The following UBE2R2 variants were observed in gnomAD, a reference collection of about 807,000 sequenced individuals.
UBE2R2 encodes ubiquitin conjugating enzyme E2 R2, also known as ubiquitin-conjugating enzyme E2 R2.
UBE2R2 carries 1 observed loss-of-function variant against 27.8 expected under a neutral mutation model. That is an observed-to-expected ratio of 0.04 (90% CI 0.01 to 0.17). UBE2R2 has a LOEUF of 0.17. Ranked by LOEUF, UBE2R2 falls within the 10% of genes least tolerant of loss-of-function variation. The pLI is 1.00. For synonymous variants in UBE2R2, 106 were observed against 113.3 expected, an observed-to-expected ratio of 0.94 and a Z score of 0.41; for missense variants, 100 against 291.0, an observed-to-expected ratio of 0.34 and a Z score of 4.78.
chr9:33,917,123 C>T lies in UBE2R2; in HGVS notation c.603C>T (p.Asn201=), dbSNP rs372565481. The T allele has an allele frequency of 3.7e-6, 6 of 1,614,242 alleles. No homozygotes were observed. The Admixed American group carries it at 8.3e-5, about 22-fold the overall frequency. ...AAACTAAAGTGCCTTCCAATGACAA[C>T]AGCTCAGATTTGCTTTACGACGACT... is the stretch of plus-strand genomic sequence containing the variant. The part of the protein sequence containing the change: ...CIKTKVPSND[N]SSDLLYDDLY... Residue 201 remains asparagine, a synonymous_variant, in exon 5 of 5, where the codon AAC becomes AAT. Coordinates refer to ENST00000263228, the MANE Select transcript of UBE2R2 (RefSeq NM_017811.4).
intron 2 of UBE2R2, 60 bp downstream of exon 2, chr9:33,887,027 A>G: frequency 7.3e-7 from 1 of 1,367,412 alleles, no homozygotes; most frequent in Non-Finnish European, 1.0e-6. Flanking sequence ...CAGTACTTTA[A>G]AATAGCCTAT....
At chr9:33,907,655 T>A (rs564166309) in intron 3 of UBE2R2, among the ~76,000 whole-genome samples, 4 of 152,250 alleles carry the variant, frequency 2.6e-5, no homozygotes, top group African/African-American at 7.2e-5. Flanking sequence ...ACTACAGTTA[T>A]TCTTTATAGG....
At chr9:33,859,510 AAGACTGGGATGGACTC>A (rs1333422514) in intron 1 of UBE2R2, among the ~76,000 whole-genome samples, 1 of 152,154 alleles carries the variant, frequency 6.6e-6, no homozygotes, top group Non-Finnish European at 1.5e-5. Context: ...TTAAAATCTT[AAGACTGGGATGGACTC>A]TGAGATACTA....
chr9:33,839,426 C>A (rs968821115), intron 1 of UBE2R2, among the ~76,000 whole-genome samples: 1 of 152,008 alleles, frequency 6.6e-6, no homozygotes, highest in Non-Finnish European at 1.5e-5. Flanking sequence ...TTAGTAGAGA[C>A]GGAGTTTCGC....
At chr9:33,913,717 A>G (rs894137460) in intron 4 of UBE2R2, among the ~76,000 whole-genome samples, 3 of 152,248 alleles carry the variant, frequency 2.0e-5, no homozygotes, top group Non-Finnish European at 4.4e-5. Flanking sequence ...GAAAAAAGTT[A>G]AAACAATGCT....
intron 1 of UBE2R2, among the ~76,000 whole-genome samples, chr9:33,843,529 A>G (rs1270696251): frequency 2.6e-5 from 4 of 151,408 alleles, no homozygotes; most frequent in African/African-American, 9.7e-5. Flanking sequence ...CCCAGGCTAG[A>G]GGGAAGTGGC....
At chr9:33,906,232 C>A (rs1822353933) in intron 3 of UBE2R2, among the ~76,000 whole-genome samples, 1 of 152,146 alleles carries the variant, frequency 6.6e-6, no homozygotes, top group South Asian at 2.1e-4. Context: ...AAGCAATTCT[C>A]CTGCCTCAGC....
At chr9:33,884,579 A>G (rs1821816297) in intron 1 of UBE2R2, among the ~76,000 whole-genome samples, 1 of 151,964 alleles carries the variant, frequency 6.6e-6, no homozygotes, top group Non-Finnish European at 1.5e-5. Context: ...CTTTTTGTGG[A>G]TTTTTAAAAA....
chr9:33,817,046 T>TG (rs1825787347), upstream of UBE2R2, among the ~76,000 whole-genome samples: 2 of 15,330 alleles, frequency 1.3e-4, no homozygotes, highest in South Asian at 2.2e-3. Flanking sequence ...CCAGGCACGG[T>TG]GGGGGGAGGG....
chr9:33,846,600 C>T (rs1297839869), intron 1 of UBE2R2, among the ~76,000 whole-genome samples: 2 of 152,032 alleles, frequency 1.3e-5, no homozygotes, highest in Non-Finnish European at 2.9e-5. Flanking sequence ...GCTCTCAAAA[C>T]GTTGTCAAAT....
chr9:33,838,115 T>C (rs547941540), intron 1 of UBE2R2, among the ~76,000 whole-genome samples: 1 of 151,922 alleles, frequency 6.6e-6, no homozygotes, highest in African/African-American at 2.4e-5. Context: ...GATATAGTAT[T>C]TACATTTAAC....
chr9:33,902,695 T>A (rs1209761160), intron 3 of UBE2R2, among the ~76,000 whole-genome samples: 1 of 152,258 alleles, frequency 6.6e-6, no homozygotes, highest in East Asian at 1.9e-4. Context: ...TTTTGAGATA[T>A]TCTGTAATTG....
At chr9:33,839,607 C>G (rs533690574) in intron 1 of UBE2R2, among the ~76,000 whole-genome samples, 14 of 152,276 alleles carry the variant, frequency 9.2e-5, no homozygotes, top group African/African-American at 3.1e-4. Flanking sequence ...GAGAATGCAG[C>G]AAGAAGGCAT....
intron 1 of UBE2R2, among the ~76,000 whole-genome samples, chr9:33,869,201 C>T (rs904270910): frequency 6.6e-6 from 1 of 151,870 alleles, no homozygotes; most frequent in Non-Finnish European, 1.5e-5. Context: ...CCCGGGAGGT[C>T]GAGGCTGCAG....
chr9:33,870,080 C>T (rs1196975961), intron 1 of UBE2R2, among the ~76,000 whole-genome samples: 1 of 152,006 alleles, frequency 6.6e-6, no homozygotes, highest in Non-Finnish European at 1.5e-5. Flanking sequence ...GTCCTGACCT[C>T]GTGATCCACC....
intron 3 of UBE2R2, among the ~76,000 whole-genome samples, chr9:33,901,602 T>G (rs1456420091): frequency 2.6e-5 from 4 of 152,174 alleles, no homozygotes; most frequent in African/African-American, 9.7e-5. Flanking sequence ...ATACAAAAAC[T>G]AATAACTTGA....
At chr9:33,818,880 G>T (rs549623438) in intron 1 of UBE2R2, 3 of 152,276 alleles carry the variant, frequency 2.0e-5, no homozygotes, top group Admixed American at 6.5e-5. Context: ...GTTCCTTAGC[G>T]ACCACAGACA....
intron 1 of UBE2R2, among the ~76,000 whole-genome samples, chr9:33,833,505 T>C (rs1039093916): frequency 6.6e-5 from 10 of 151,972 alleles, no homozygotes; most frequent in Non-Finnish European, 1.3e-4. Flanking sequence ...ATATGGTCGT[T>C]TCTTGTAAGA....
At chr9:33,816,969 G>C (rs891990500), upstream of UBE2R2, among the ~76,000 whole-genome samples, 1 of 152,042 alleles carries the variant, frequency 6.6e-6, no homozygotes, top group African/African-American at 2.4e-5. Flanking sequence ...ACAAAGCGCC[G>C]CGACCGCGCG....
Sources: allele counts gnomAD v4.1 joint callset (sites outside exome capture counted in the v4.1 genomes callset), GRCh38; gene constraint gnomAD v4.1.1; transcripts MANE v1.5; gene names NCBI Gene and HGNC (gene_info 2026-07-23, HGNC 2026-07-21).